POU6F2: variants seen among roughly 807,000 people sequenced by gnomAD.
POU6F2 encodes the protein POU class 6 homeobox 2, also known as POU domain, class 6, transcription factor 2.
In POU6F2, 31 loss-of-function variants were observed where a neutral mutation model predicts 71.3. That is an observed-to-expected ratio of 0.43 (90% CI 0.33 to 0.59). The LOEUF is 0.59. Ranked by LOEUF, POU6F2 falls within the 20% of genes least tolerant of loss-of-function variation. POU6F2 has a pLI of 0.04. For synonymous variants in POU6F2, 347 were observed against 355.7 expected (o/e 0.98, Z 0.27); for missense variants, 783 against 856.8 (o/e 0.91, Z 1.07).
chr7:39,218,519 C>T (rs1451279608), intron 4 of POU6F2, among the ~76,000 whole-genome samples: 2 of 152,142 alleles, frequency 1.3e-5, no homozygotes, highest in African/African-American at 4.8e-5. Context: ...TTTCTCAGCT[C>T]CCTCTCGGGA....
At chr7:39,151,775 G>A (rs1584570192) in intron 2 of POU6F2, among the ~76,000 whole-genome samples, 1 of 152,140 alleles carries the variant, frequency 6.6e-6, no homozygotes, top group Admixed American at 6.5e-5. Context: ...TTAACTGTGT[G>A]AACATTCTGT....
chr7:39,050,354 AAGTTTAT>A (rs974662885), intron 1 of POU6F2, among the ~76,000 whole-genome samples: 1 of 152,024 alleles, frequency 6.6e-6, no homozygotes, highest in African/African-American at 2.4e-5. Flanking sequence ...ATTCAGGAAA[AAGTTTAT>A]AGTTCAGACA....
chr7:39,464,168 A>G lies in POU6F2; in HGVS notation c.1659-14A>G, dbSNP rs1789013709. On this transcript the variant is annotated splice_polypyrimidine_tract_variant and intron_variant, in intron 9 of 9. Coordinates refer to ENST00000518318, the MANE Select transcript of POU6F2 (RefSeq NM_001370959.1). This position sits in a 1 kb window ranked among gnomAD's most constrained non-coding sequence, Gnocchi z 4.1. ...CTCAGTGTAAGACTGTTCTTTCTCA[A>G]TTTTCCCCCCCAGACACACCATCCT... is the stretch of plus-strand genomic sequence containing the variant. The G allele has an allele frequency of 6.2e-7, 1 of 1,610,504 alleles. No individual in the cohort carries two copies. The highest frequency in any genetic ancestry group is 8.5e-7 in the Non-Finnish European group (1 of 1,177,806).
At chr7:39,132,657 C>T (rs1394719909) in intron 2 of POU6F2, 1 of 152,182 alleles carries the variant, frequency 6.6e-6, no homozygotes, top group Non-Finnish European at 1.5e-5. Context: ...GAATTAAACA[C>T]TGCTGTTAAC....
At chr7:39,451,364 CA>C (rs10595595) in intron 7 of POU6F2, among the ~76,000 whole-genome samples, 168 bp from the exon 8 acceptor site, 4,297 of 111,090 alleles carry the variant, frequency 0.039, 136 homozygotes, top group East Asian at 0.1. Context: ...ATGTGCTCTA[CA>C]AAAAAAAAAA....
intron 5 of POU6F2, among the ~76,000 whole-genome samples, chr7:39,366,449 T>G (rs1045874271): frequency 1.3e-5 from 2 of 152,032 alleles, no homozygotes; most frequent in African/African-American, 2.4e-5. Flanking sequence ...CTTCAAGGAA[T>G]GAGGTGGGGT....
intron 1 of POU6F2, among the ~76,000 whole-genome samples, chr7:39,029,853 A>G (rs1789899470): frequency 6.6e-6 from 1 of 152,092 alleles, no homozygotes; most frequent in South Asian, 2.1e-4. Context: ...AGATTTGAAA[A>G]TATTAAGCCA....
intron 2 of POU6F2, among the ~76,000 whole-genome samples, chr7:39,117,962 T>G (rs552469818): frequency 1.3e-5 from 2 of 151,926 alleles, no homozygotes; most frequent in African/African-American, 2.4e-5. Flanking sequence ...ACTTGGAGGG[T>G]TGGAGTTGTT....
chr7:39,444,223 A>G (rs1788472842), intron 7 of POU6F2, among the ~76,000 whole-genome samples: 1 of 152,206 alleles, frequency 6.6e-6, no homozygotes, highest in Non-Finnish European at 1.5e-5. Flanking sequence ...GACAGCCCTA[A>G]ATATAGCTTC....
intron 1 of POU6F2, among the ~76,000 whole-genome samples, chr7:39,046,318 T>C (rs1378085719): frequency 2.0e-5 from 3 of 151,934 alleles, no homozygotes; most frequent in African/African-American, 7.2e-5. Context: ...CTTATTGAGC[T>C]GAAGAGTTTG....
intron 2 of POU6F2, among the ~76,000 whole-genome samples, chr7:39,191,197 T>C (rs975253562): frequency 7.2e-5 from 11 of 152,178 alleles, no homozygotes; most frequent in African/African-American, 2.7e-4. Flanking sequence ...GGGATGCAAA[T>C]TGGGATGTGC....
intron 6 of POU6F2, among the ~76,000 whole-genome samples, chr7:39,422,895 C>T (rs938911257): frequency 6.6e-6 from 1 of 152,112 alleles, no homozygotes; most frequent in South Asian, 2.1e-4. Flanking sequence ...AGATATTTCT[C>T]GGACTCTCAA....
intron 2 of POU6F2, among the ~76,000 whole-genome samples, chr7:39,133,706 G>A (rs1489162212): frequency 6.6e-6 from 1 of 151,856 alleles, no homozygotes; most frequent in East Asian, 1.9e-4. Flanking sequence ...ACCTACCCAG[G>A]GGCACAGCCA....
chr7:39,110,397 C>A (rs964273252), intron 2 of POU6F2, among the ~76,000 whole-genome samples: 2 of 151,768 alleles, frequency 1.3e-5, no homozygotes, highest in Admixed American at 1.3e-4. Context: ...TGGTTTCTAT[C>A]CTCTTGAGGT....
At chr7:39,206,302 G>A (rs1320080009) in intron 3 of POU6F2, among the ~76,000 whole-genome samples, 2 of 152,174 alleles carry the variant, frequency 1.3e-5, no homozygotes, top group Non-Finnish European at 2.9e-5. Flanking sequence ...TCCTTCCCAT[G>A]TCATCCTGGT....
chr7:39,273,432 G>A (rs369395888), intron 4 of POU6F2, among the ~76,000 whole-genome samples: 116 of 152,242 alleles, frequency 7.6e-4, no homozygotes, highest in Non-Finnish European at 1.2e-3. Context: ...TCATAACCCC[G>A]TCGAATCAAG....
At chr7:39,388,546 C>T (rs987239556) in intron 5 of POU6F2, among the ~76,000 whole-genome samples, 17 of 152,108 alleles carry the variant, frequency 1.1e-4, no homozygotes, top group African/African-American at 3.9e-4. Flanking sequence ...GAACTCCTGA[C>T]CTCAGGCGAT....
intron 5 of POU6F2, among the ~76,000 whole-genome samples, chr7:39,388,904 A>C (rs989245235): frequency 2.0e-5 from 3 of 152,252 alleles, no homozygotes; most frequent in African/African-American, 7.2e-5. Flanking sequence ...ACACATTAAA[A>C]ATGTTTAGAA....
intron 2 of POU6F2, among the ~76,000 whole-genome samples, chr7:39,146,233 A>G (rs1434410041): frequency 6.6e-6 from 1 of 152,194 alleles, no homozygotes; most frequent in Non-Finnish European, 1.5e-5. Flanking sequence ...GAGGGTGGGC[A>G]TGGTAGTGGT....
Sources: gnomAD v4.1 joint callset for allele counts (sites outside exome capture counted in the v4.1 genomes callset) on GRCh38, gnomAD v4.1.1 for gene constraint, Gnocchi (gnomAD v3.1) non-coding constraint, MANE v1.5 for transcripts, NCBI Gene and HGNC (gene_info 2026-07-23, HGNC 2026-07-21) for gene names.